The following STON2 variants were observed in gnomAD, a reference collection of about 807,000 sequenced individuals.
STON2 encodes the protein stonin-2.
STON2 carries 29 observed loss-of-function variants against 65.7 expected under a neutral mutation model. That is an observed-to-expected ratio of 0.44 (90% CI 0.33 to 0.60). The LOEUF (loss-of-function observed/expected upper bound fraction) is 0.60, where lower values mean the gene tolerates loss of function less well. Ranked by LOEUF, STON2 falls within the 20% of genes least tolerant of loss-of-function variation. STON2 has a pLI of 0.03. For synonymous variants in STON2, 404 were observed against 414.2 expected, an observed-to-expected ratio of 0.98 and a Z score of 0.30; for missense variants, 1,054 against 1,118.1, an observed-to-expected ratio of 0.94 and a Z score of 0.82.
intron 2 of STON2, among the ~76,000 whole-genome samples, chr14:81,415,317 G>C (rs183474973): frequency 3.5e-5 from 5 of 143,366 alleles, no homozygotes; most frequent in Non-Finnish European, 7.5e-5. Context: ...GCTGAGGCCA[G>C]AGAGGTTAAG....
In STON2 at chr14:81,431,727, G is replaced by A. The variant is rs79248063; in HGVS notation, c.-309-4515C>T. Among the ~76,000 whole-genome samples, 433 of 150,992 alleles carry A rather than the reference G, an allele frequency of 2.9e-3. 4 individuals are homozygous for A. In the East Asian group the frequency reaches 0.055, roughly 19 times the overall value. ...CGGGAGCCGGAGGTTGCAGTAAGCC[G>A]ATATTGCGCACTGCACTCTAGGCTA... On this transcript the variant is annotated intron_variant, in intron 1 of 8. Coordinates refer to the STON2 transcript ENST00000553821.
intron 5 of STON2, among the ~76,000 whole-genome samples, chr14:81,289,939 G>A (rs1340285137): frequency 6.6e-6 from 1 of 152,186 alleles, no homozygotes; most frequent in African/African-American, 2.4e-5. Flanking sequence ...ATGCCTTAAA[G>A]AGAATGTCAA....
chr14:81,347,425 C>A (rs1897849586), intron 4 of STON2, among the ~76,000 whole-genome samples: 2 of 151,744 alleles, frequency 1.3e-5, no homozygotes, highest in Non-Finnish European at 2.9e-5. Flanking sequence ...GAAATTGAAT[C>A]AGCAACAAGT....
chr14:81,407,473 C>G (rs1408214951), intron 2 of STON2, among the ~76,000 whole-genome samples: 1 of 152,146 alleles, frequency 6.6e-6, no homozygotes, highest in Non-Finnish European at 1.5e-5. Flanking sequence ...GTTAGTGATC[C>G]AAAAGAGGTT....
upstream of STON2, among the ~76,000 whole-genome samples, chr14:81,405,018 T>G (rs1206235727): frequency 1.3e-5 from 2 of 152,214 alleles, no homozygotes; most frequent in East Asian, 3.8e-4. Flanking sequence ...CAATATTTTC[T>G]CTTTATCTTT....
intron 3 of STON2, among the ~76,000 whole-genome samples, chr14:81,383,953 CCTT>C (rs1171712172): frequency 6.6e-6 from 1 of 152,180 alleles, no homozygotes; most frequent in Non-Finnish European, 1.5e-5. Context: ...TGCCTCACCT[CCTT>C]GTCTTCTCTC....
Position 81,278,421 on chromosome 14 carries a change from A to G in STON2, c.1061T>C (p.Leu354Ser). ...SKVQKLDISSLNRTPSVTEAS... is the reference protein window; with the variant it reads ...SKVQKLDISSSNRTPSVTEAS... ...CTCAGTTACAGAAGGCGTGCGGTTT[A>G]AAGAGGAAATATCCAGCTTCTGAAC... The change falls in exon 6 of 8, where the codon TTA becomes TCA. Residue 354 changes from leucine to serine, a missense_variant. Leu to Ser is a moderately radical substitution (Grantham distance 145, BLOSUM62 -2). Transcript: ENST00000614646. 6.2e-7 allele frequency: 1 copy of G among 1,614,218 alleles called. No homozygotes were observed.
intron 2 of STON2, chr14:81,418,317 C>T (rs186770093): frequency 1.3e-5 from 2 of 152,300 alleles, no homozygotes; most frequent in African/African-American, 2.4e-5. Context: ...TATTCACTGT[C>T]ATGAGAACAG....
At chr14:81,289,590 T>C (rs1895475031) in intron 5 of STON2, among the ~76,000 whole-genome samples, 1 of 152,196 alleles carries the variant, frequency 6.6e-6, no homozygotes, top group Admixed American at 6.5e-5. Flanking sequence ...TATTTACTTA[T>C]GTTGACCAGG....
At chr14:81,419,662 C>T (rs1040077202) in intron 2 of STON2, among the ~76,000 whole-genome samples, 1 of 152,208 alleles carries the variant, frequency 6.6e-6, no homozygotes, top group African/African-American at 2.4e-5. Context: ...GCTCTAGAGA[C>T]CACCTGATGC....
intron 2 of STON2, among the ~76,000 whole-genome samples, chr14:81,414,352 G>A (rs1595461015): frequency 6.6e-6 from 1 of 152,148 alleles, no homozygotes; most frequent in Non-Finnish European, 1.5e-5. Flanking sequence ...AGAAGCCGTA[G>A]CAAAAGAAAA....
rs183076931 is a variant in STON2 at position 81,380,845 on chromosome 14, G to A, written c.374-9660C>T. On this transcript the variant is annotated intron_variant, in intron 3 of 7. Transcript: ENST00000614646. ...TGAGGGTGGAGGGTGGGAGGAGAGT[G>A]AGGATTGAAAAACTACCTATTGGGT... 1.8e-3 allele frequency among the ~76,000 whole-genome samples: 268 copies of A among 152,196 alleles called. 1 individual carries two copies. Among genetic ancestry groups the A allele is most frequent in the Admixed American group, 0.016 (239 of 15,280 alleles).
chr14:81,346,365 A>C lies in STON2; in HGVS notation c.572-22178T>G, dbSNP rs1019842614. Among the ~76,000 whole-genome samples, 7 of 152,204 alleles carry C rather than the reference A, an allele frequency of 4.6e-5. No individual in the cohort carries two copies. In the East Asian group the frequency reaches 1.2e-3, roughly 25 times the overall value. The stretch of plus-strand genomic sequence containing the variant: ...GGACTACAGGTCACTATAAAAAGAG[A>C]CCTCAAGGAATTACAAAGACCCAGG... On this transcript the variant is annotated intron_variant, in intron 4 of 7. Transcript: ENST00000614646.
At chr14:81,318,152 C>G (rs10142173) in intron 5 of STON2, among the ~76,000 whole-genome samples, 1 of 151,754 alleles carries the variant, frequency 6.6e-6, no homozygotes, top group African/African-American at 2.4e-5. Flanking sequence ...TTAGTAGAGA[C>G]GGGGTTTCAC....
chr14:81,375,103 AC>A (rs1899189572), intron 3 of STON2, among the ~76,000 whole-genome samples: 1 of 152,150 alleles, frequency 6.6e-6, no homozygotes, highest in Non-Finnish European at 1.5e-5. Flanking sequence ...AGTTAGAATT[AC>A]ATACCCAGTG....
intron 4 of STON2, among the ~76,000 whole-genome samples, chr14:81,366,015 G>A (rs1898707439): frequency 6.6e-6 from 1 of 152,174 alleles, no homozygotes; most frequent in South Asian, 2.1e-4. Flanking sequence ...CTGTGGAGAT[G>A]AGGGGTAAGA....
chr14:81,331,912 G>A (rs1897231247), intron 4 of STON2, among the ~76,000 whole-genome samples: 2 of 152,138 alleles, frequency 1.3e-5, no homozygotes, highest in Non-Finnish European at 1.5e-5. Flanking sequence ...ATCTTCCCAG[G>A]GAAGACACTC....
intron 2 of STON2, among the ~76,000 whole-genome samples, chr14:81,421,397 A>G (rs1282928481): frequency 6.6e-6 from 1 of 152,184 alleles, no homozygotes; most frequent in African/African-American, 2.4e-5. Flanking sequence ...AAGGCAATGG[A>G]GATCGATTAA....
chr14:81,278,201 A>T lies in STON2; in HGVS notation c.1281T>A (p.Asp427Glu), dbSNP rs1198801588. 12 of 1,614,086 alleles carry T rather than the reference A, an allele frequency of 7.4e-6. No homozygotes were observed. Among genetic ancestry groups the T allele is most frequent in the African/African-American group, 1.3e-5 (1 of 74,938 alleles). The stretch of plus-strand genomic sequence containing the variant: ...AGTGTGACTGGGTTTTGCTTGAATC[A>T]TCAAAACTGATGGCATCCTGGTAGA... The part of the protein sequence containing the change: ...IVIYQDAISF[D>E]DSSKTQSHSD... Residue 427 changes from aspartate (D) to glutamate (E), a missense_variant, in exon 6 of 8, where the codon GAT becomes GAA. Coordinates refer to ENST00000614646, the MANE Select transcript of STON2 (RefSeq NM_001394390.1).
Sources: gnomAD v4.1 joint callset for allele counts (sites outside exome capture counted in the v4.1 genomes callset) on GRCh38, gnomAD v4.1.1 for gene constraint, MANE v1.5 for transcripts, NCBI Gene and HGNC (gene_info 2026-07-23, HGNC 2026-07-21) for gene names.